The following PATJ variants were observed in gnomAD, a reference collection of about 807,000 sequenced individuals.
The protein encoded by PATJ is PATJ crumbs cell polarity complex component.
A neutral mutation model predicts 224.9 loss-of-function variants in PATJ; 190 were observed. That is an observed-to-expected ratio of 0.84 (90% confidence interval 0.75 to 0.95). The LOEUF (loss-of-function observed/expected upper bound fraction) is 0.95, where lower values mean the gene tolerates loss of function less well. PATJ is among the 40% of genes least tolerant of loss of function. The probability of loss-of-function intolerance (pLI) is 0.00; values close to 1 mark genes in which losing one functional copy is unlikely to be tolerated. For missense variants in PATJ, 2,121 were observed against 2,270.3 expected (o/e 0.93, Z 1.34); for synonymous variants, 769 against 820.3 (o/e 0.94, Z 1.07).
intron 17 of PATJ, among the ~76,000 whole-genome samples, chr1:61,845,691 TG>T (rs1190387166): frequency 6.6e-6 from 1 of 152,200 alleles, no homozygotes; most frequent in East Asian, 1.9e-4. Context: ...CAACACTGGT[TG>T]ACCTTTCAAG....
intron 21 of PATJ, among the ~76,000 whole-genome samples, chr1:61,876,649 A>G (rs1667369851): frequency 6.6e-6 from 1 of 152,142 alleles, no homozygotes; most frequent in South Asian, 2.1e-4. Flanking sequence ...GAAAATCAAA[A>G]TGTCTCCAGA....
At chr1:61,929,922 A>G (rs552097663) in intron 27 of PATJ, among the ~76,000 whole-genome samples, 1 of 152,310 alleles carries the variant, frequency 6.6e-6, no homozygotes, top group African/African-American at 2.4e-5. Flanking sequence ...TTTTATGCCT[A>G]AAATAGGCAG....
intron 43 of PATJ, among the ~76,000 whole-genome samples, chr1:62,155,776 G>A (rs1669124604): frequency 6.6e-6 from 1 of 151,544 alleles, no homozygotes; most frequent in Non-Finnish European, 1.5e-5. Context: ...GAATATTCCA[G>A]GCCGGGTGCG....
intron 31 of PATJ, among the ~76,000 whole-genome samples, chr1:62,068,571 G>A (rs1656867969): frequency 6.6e-6 from 1 of 152,174 alleles, no homozygotes; most frequent in Non-Finnish European, 1.5e-5. Context: ...TTCTTGTGTG[G>A]TTCAAGTGTC....
intron 38 of PATJ, among the ~76,000 whole-genome samples, 183 bp from the exon 39 acceptor site, chr1:62,122,835 AAAG>A (rs924984066): frequency 1.3e-5 from 2 of 152,180 alleles, no homozygotes; most frequent in Admixed American, 1.3e-4. Context: ...AAAAAAAAAA[AAAG>A]AGGACATGGC....
intron 27 of PATJ, among the ~76,000 whole-genome samples, chr1:61,935,331 T>A (rs1163859256): frequency 6.6e-6 from 1 of 152,202 alleles, no homozygotes; most frequent in African/African-American, 2.4e-5. Context: ...GCCCTTCCTT[T>A]ATACTTTAAT....
At chr1:61,920,996 G>T (rs1253271906) in intron 26 of PATJ, among the ~76,000 whole-genome samples, 2 of 152,022 alleles carry the variant, frequency 1.3e-5, no homozygotes, top group East Asian at 3.9e-4. Context: ...ATGAACCACC[G>T]CACCTGGCCT....
intron 34 of PATJ, among the ~76,000 whole-genome samples, chr1:62,110,408 A>G (rs1412125949): frequency 6.6e-6 from 1 of 152,186 alleles, no homozygotes; most frequent in Non-Finnish European, 1.5e-5. Context: ...GTAACACTAC[A>G]TCAGCACTTT....
intron 30 of PATJ, among the ~76,000 whole-genome samples, 196 bp downstream of exon 30, chr1:62,038,245 G>GT (rs1650809920): frequency 6.6e-6 from 1 of 152,126 alleles, no homozygotes; most frequent in Non-Finnish European, 1.5e-5. Context: ...AACCATATAA[G>GT]TATTACCTTC....
At chr1:62,072,979 G>A in intron 31 of PATJ, 1 of 925,754 alleles carries the variant, frequency 1.1e-6, no homozygotes, top group Non-Finnish European at 1.3e-6. Flanking sequence ...GTGCGGTTGA[G>A]CCCTCCAATG....
intron 14 of PATJ, among the ~76,000 whole-genome samples, chr1:61,822,475 TG>T (rs1657492439): frequency 6.7e-6 from 1 of 149,140 alleles, no homozygotes; most frequent in East Asian, 2.0e-4. Flanking sequence ...AAGCCCAGTA[TG>T]TTGTGAGATG....
At chr1:61,983,064 G>A (rs1644538558) in intron 27 of PATJ, among the ~76,000 whole-genome samples, 1 of 151,848 alleles carries the variant, frequency 6.6e-6, no homozygotes, top group African/African-American at 2.4e-5. Flanking sequence ...TGAAATTAAG[G>A]AGGGGTGACT....
In PATJ at chr1:61,956,118, G is replaced by A. The variant is rs78111556; in HGVS notation, c.3670+28289G>A. On this transcript the variant is annotated intron_variant, in intron 27 of 43. Coordinates refer to ENST00000642238, the MANE Select transcript of PATJ (RefSeq NM_001350145.3). ...CATGAGGTTTAGGGTACACCTCCCCGTGGCATCACACGCTGCCCAGTATGA... is the reference window on the plus strand; with the variant it reads ...CATGAGGTTTAGGGTACACCTCCCCATGGCATCACACGCTGCCCAGTATGA... 9.4e-3 allele frequency among the ~76,000 whole-genome samples: 1,425 copies of A among 152,240 alleles called. 56 individuals are homozygous for A. Among genetic ancestry groups the A allele is most frequent in the East Asian group, 0.089 (461 of 5,168 alleles).
At chr1:62,009,180 T>G (rs1196075009) in intron 28 of PATJ, among the ~76,000 whole-genome samples, 1 of 152,184 alleles carries the variant, frequency 6.6e-6, no homozygotes, top group Non-Finnish European at 1.5e-5. Context: ...ATTGTTTTCC[T>G]TGGGGCTGGG....
chr1:61,839,211 T>C (rs1660694999), intron 17 of PATJ, among the ~76,000 whole-genome samples: 1 of 152,160 alleles, frequency 6.6e-6, no homozygotes, highest in Non-Finnish European at 1.5e-5. Flanking sequence ...ATGTGCATTT[T>C]ATTATAGGGC....
chr1:61,784,583 G>T (rs1481865918), intron 7 of PATJ, among the ~76,000 whole-genome samples: 1 of 152,220 alleles, frequency 6.6e-6, no homozygotes, highest in Admixed American at 6.5e-5. Flanking sequence ...TGCCTAGGAA[G>T]TGACTAAAAA....
At chr1:61,904,388 A>T (rs1671591000) in intron 24 of PATJ, among the ~76,000 whole-genome samples, 1 of 152,238 alleles carries the variant, frequency 6.6e-6, no homozygotes. Context: ...CAACTATACT[A>T]TAATAGCAAC....
At position 61,790,329 on chromosome 1, in the gene PATJ, A is replaced by G. The variant is rs377603931; in HGVS notation, c.1069-1019A>G. ...AAATTTATGTTCATAGTTCTTTCAG[A>G]TACAAATACAGCCTTTTTTCTAAGT... On this transcript the variant is annotated intron_variant, in intron 8 of 43. Transcript: ENST00000642238. 1.2e-4 allele frequency among the ~76,000 whole-genome samples: 18 copies of G among 152,010 alleles called. No homozygotes were observed. The East Asian group carries it at 2.9e-3, about 24-fold the overall frequency.
At chr1:61,829,773 A>C (rs1658982121) in intron 16 of PATJ, among the ~76,000 whole-genome samples, 1 of 152,098 alleles carries the variant, frequency 6.6e-6, no homozygotes, top group African/African-American at 2.4e-5. Context: ...ATATTCTTAA[A>C]CCCTATCTGG....
Sources: allele counts gnomAD v4.1 joint callset (sites outside exome capture counted in the v4.1 genomes callset), GRCh38; gene constraint gnomAD v4.1.1; transcripts MANE v1.5; gene names NCBI Gene and HGNC (gene_info 2026-07-23, HGNC 2026-07-21).